ULK4: variants seen among roughly 807,000 people sequenced by gnomAD.
The protein encoded by ULK4 is unc-51 like kinase 4.
Under a neutral mutation model 160.6 loss-of-function variants are expected in ULK4, and 133 were observed. The observed-to-expected ratio is 0.83, with a 90% CI of 0.72 to 0.96. The LOEUF is 0.96. Among genes scored for constraint, ULK4 ranks in the 40% least tolerant of loss-of-function variants. ULK4 has a pLI of 0.00. For missense variants in ULK4, 1,580 were observed against 1,499.5 expected (o/e 1.05, Z -0.89); for synonymous variants, 534 against 539.8 (o/e 0.99, Z 0.15).
At chr3:41,794,631 A>T (rs150973304) in intron 20 of ULK4, among the ~76,000 whole-genome samples, 1,913 of 131,616 alleles carry the variant, frequency 0.015, 52 homozygotes, top group African/African-American at 0.053. Flanking sequence ...ACTGCACTCC[A>T]GCCTGGGTGA....
Position 41,412,083 on chromosome 3 carries a change from G to A in ULK4, c.3493-13819C>T, listed in dbSNP as rs2082420669. Among the ~76,000 whole-genome samples the A allele has an allele frequency of 3.3e-5, 5 of 152,252 alleles. 1 individual carries two copies. The South Asian group carries it at 1.0e-3, about 32-fold the overall frequency. On this transcript the variant is annotated intron_variant, in intron 34 of 36. Coordinates refer to ENST00000301831, the MANE Select transcript of ULK4 (RefSeq NM_017886.4). ...TAACAAACAAGGTACTGGAGTCCACGAGTGAGTTTAACAAAGTTGCAGGAT... is the reference window on the plus strand; with the variant it reads ...TAACAAACAAGGTACTGGAGTCCACAAGTGAGTTTAACAAAGTTGCAGGAT...
At chr3:41,380,361 A>G (rs2081620011) in intron 35 of ULK4, among the ~76,000 whole-genome samples, 1 of 152,206 alleles carries the variant, frequency 6.6e-6, no homozygotes, top group Non-Finnish European at 1.5e-5. Context: ...CAATTTTGAT[A>G]ATGTGAAAGA....
chr3:41,958,547 C>CAA (rs78864808), intron 1 of ULK4, among the ~76,000 whole-genome samples: 22 of 124,038 alleles, frequency 1.8e-4, no homozygotes, highest in African/African-American at 3.2e-4. Context: ...ACTAAAAATA[C>CAA]AAAAAAAAAA....
At chr3:41,907,343 C>T (rs533808102) in intron 12 of ULK4, among the ~76,000 whole-genome samples, 3 of 151,916 alleles carry the variant, frequency 2.0e-5, no homozygotes, top group African/African-American at 7.2e-5. Context: ...GTCACCCAGG[C>T]TGGAGTGCGG....
intron 35 of ULK4, among the ~76,000 whole-genome samples, chr3:41,303,568 A>G (rs1350213560): frequency 6.6e-6 from 1 of 152,172 alleles, no homozygotes. Context: ...TCAACTTTTG[A>G]TTATTCACAA....
At chr3:41,487,902 C>T (rs1319651300) in intron 32 of ULK4, among the ~76,000 whole-genome samples, 2 of 152,084 alleles carry the variant, frequency 1.3e-5, no homozygotes, top group African/African-American at 2.4e-5. Context: ...GTGATTCTTA[C>T]AAATCACTAA....
Position 41,699,890 on chromosome 3 carries a change from T to C in ULK4, c.2781+5167A>G, listed in dbSNP as rs533580237. ...TAATAGACGCTGTAGTTACAATAAT[T>C]AGTATGCTTGCATTTCATATGATTA... On this transcript the variant is annotated intron_variant, in intron 27 of 36. Coordinates refer to ENST00000301831, the MANE Select transcript of ULK4 (RefSeq NM_017886.4). Among the ~76,000 whole-genome samples the C allele has an allele frequency of 3.9e-4, 59 of 152,342 alleles. 2 individuals are homozygous for C. In the South Asian group the frequency reaches 0.011, roughly 29 times the overall value.
At chr3:41,795,679 C>T (rs1016060167) in intron 20 of ULK4, among the ~76,000 whole-genome samples, 1 of 151,938 alleles carries the variant, frequency 6.6e-6, no homozygotes, top group African/African-American at 2.4e-5. Context: ...TATTATTAAC[C>T]CTTCCAAAAA....
At chr3:41,803,382 AT>A (rs1482284364) in intron 19 of ULK4, among the ~76,000 whole-genome samples, 1 of 152,172 alleles carries the variant, frequency 6.6e-6, no homozygotes, top group Non-Finnish European at 1.5e-5. Flanking sequence ...ATACTCATAG[AT>A]TAATTTGAGA....
chr3:41,945,641 C>T (rs1192685359), intron 2 of ULK4, among the ~76,000 whole-genome samples: 1 of 152,212 alleles, frequency 6.6e-6, no homozygotes, highest in Non-Finnish European at 1.5e-5. Flanking sequence ...TAAAGATACA[C>T]AGCATTTCCA....
chr3:41,648,635 C>A (rs2034608943), intron 30 of ULK4, among the ~76,000 whole-genome samples: 1 of 152,162 alleles, frequency 6.6e-6, no homozygotes, highest in East Asian at 1.9e-4. Context: ...TTAAGCATCT[C>A]AAAGCCAAAA....
chr3:41,485,308 C>G (rs1021044801), intron 32 of ULK4, among the ~76,000 whole-genome samples: 16 of 152,164 alleles, frequency 1.1e-4, no homozygotes, highest in South Asian at 2.1e-4. Flanking sequence ...AAAAAACCAA[C>G]AACACCCAGG....
intron 19 of ULK4, among the ~76,000 whole-genome samples, chr3:41,814,239 C>A (rs1407492285): frequency 3.3e-5 from 5 of 152,126 alleles, no homozygotes; most frequent in Non-Finnish European, 7.3e-5. Context: ...TTTTCATATC[C>A]CTTTGACTGC....
intron 32 of ULK4, among the ~76,000 whole-genome samples, chr3:41,550,616 A>G (rs1436188209): frequency 6.6e-6 from 1 of 152,036 alleles, no homozygotes; most frequent in Non-Finnish European, 1.5e-5. Context: ...TATGTACCCA[A>G]TGCCACAGAA....
intron 2 of ULK4, among the ~76,000 whole-genome samples, 154 bp downstream of exon 2, chr3:41,954,468 G>A (rs1700417741): frequency 6.6e-6 from 1 of 152,146 alleles, no homozygotes. Flanking sequence ...TCATTATTCA[G>A]GACTGGTGGC....
chr3:41,899,520 C>T lies in ULK4; in HGVS notation c.1288-1028G>A, dbSNP rs528001867. On this transcript the variant is annotated intron_variant, in intron 13 of 36. Transcript: ENST00000301831. ...TAAAGCAAGCCTGTCCAACCCGTAGCCCATGGGCTGCATGCAGCCCAAGAC... is the reference window on the plus strand; with the variant it reads ...TAAAGCAAGCCTGTCCAACCCGTAGTCCATGGGCTGCATGCAGCCCAAGAC... Among the ~76,000 whole-genome samples, 96 of 152,338 alleles carry T rather than the reference C, an allele frequency of 6.3e-4. 1 individual carries two copies. Among genetic ancestry groups the T allele is most frequent in the African/African-American group, 1.8e-3 (73 of 41,594 alleles).
intron 30 of ULK4, among the ~76,000 whole-genome samples, chr3:41,622,681 A>G (rs2033313996): frequency 6.6e-6 from 1 of 152,192 alleles, no homozygotes; most frequent in African/African-American, 2.4e-5. Context: ...ATGGGTTGAT[A>G]GGTGTAGCAA....
At chr3:41,260,251 G>A (rs1048316773) in intron 35 of ULK4, among the ~76,000 whole-genome samples, 3 of 152,208 alleles carry the variant, frequency 2.0e-5, no homozygotes, top group East Asian at 1.9e-4. Context: ...ACCTCTCGTC[G>A]GCATGATGCA....
At chr3:41,666,209 T>A (rs571492846) in intron 29 of ULK4, among the ~76,000 whole-genome samples, 1 of 152,244 alleles carries the variant, frequency 6.6e-6, no homozygotes, top group East Asian at 1.9e-4. Flanking sequence ...AGTTTCCCAG[T>A]CTCTAGCTCC....
Sources: allele counts gnomAD v4.1 joint callset (sites outside exome capture counted in the v4.1 genomes callset), GRCh38; gene constraint gnomAD v4.1.1; transcripts MANE v1.5; gene names NCBI Gene and HGNC (gene_info 2026-07-23, HGNC 2026-07-21).